EIF3K: variants seen among roughly 807,000 people sequenced by gnomAD.
EIF3K encodes eIF-3 p28.
In EIF3K, 27 loss-of-function variants were observed where a neutral mutation model predicts 34.2. The observed-to-expected ratio is 0.79, with a 90% CI of 0.58 to 1.09. EIF3K has a LOEUF of 1.09. EIF3K is among the 50% of genes least tolerant of loss of function. EIF3K has a pLI of 0.00. For synonymous variants in EIF3K, 105 were observed against 105.7 expected (o/e 0.99, Z 0.04); for missense variants, 232 against 275.4 (o/e 0.84, Z 1.11).
In EIF3K at chr19:38,632,595, CCA is replaced by C. The variant is rs1339553609; in HGVS notation, c.422-3_422-2del. On this transcript the variant is annotated splice_region_variant and splice_polypyrimidine_tract_variant and intron_variant, in intron 5 of 7. Coordinates refer to ENST00000248342, the MANE Select transcript of EIF3K (RefSeq NM_013234.4). Reference sequence around the variant, plus strand: ...TGCTCACCGGTTTTGTCTCTGACCTCCACAGTTATCTGCCATGTTGTGGGTAT... The same window carrying C: ...TGCTCACCGGTTTTGTCTCTGACCTCCAGTTATCTGCCATGTTGTGGGTAT... 6.2e-7 allele frequency: 1 copy of C among 1,613,816 alleles called. No individual in the cohort carries two copies. The highest frequency in any genetic ancestry group is 2.2e-5 in the East Asian group (1 of 44,868).
At chr19:38,629,511 G>C (rs766193753) in intron 4 of EIF3K, among the ~76,000 whole-genome samples, 4 of 152,144 alleles carry the variant, frequency 2.6e-5, no homozygotes, top group Non-Finnish European at 5.9e-5. Context: ...GACCAGGCTG[G>C]TCTTGAACTT....
chr19:38,634,897 C>T, intron 6 of EIF3K, 96 bp from the exon 7 acceptor site: 1 of 1,557,294 alleles, frequency 6.4e-7, no homozygotes, highest in Non-Finnish European at 8.7e-7. Context: ...AGGGGGGCTG[C>T]CCTGGCTTCC....
At chr19:38,622,115 T>TTTGG (rs1975855225) in intron 2 of EIF3K, among the ~76,000 whole-genome samples, 1 of 150,136 alleles carries the variant, frequency 6.7e-6, no homozygotes, top group African/African-American at 2.5e-5. Flanking sequence ...TTTTTTTTTT[T>TTTGG]GAGACAGGGT....
chr19:38,630,341 TTA>T lies in EIF3K; in HGVS notation c.355-2087_355-2086del, dbSNP rs1356976357. ...ACACCCGGTTTAATTATTTATTTAT[TTA>T]TTTATTTTTTTTTTTTTTTGAGATG... is the stretch of plus-strand genomic sequence containing the variant. On this transcript the variant is annotated intron_variant, in intron 4 of 7. Coordinates refer to ENST00000248342, the MANE Select transcript of EIF3K (RefSeq NM_013234.4). 3.5e-4 allele frequency among the ~76,000 whole-genome samples: 51 copies of T among 146,398 alleles called. 1 individual carries two copies. Among genetic ancestry groups the T allele is most frequent in the South Asian group, 3.3e-3 (15 of 4,578 alleles).
intron 4 of EIF3K, among the ~76,000 whole-genome samples, chr19:38,628,879 C>T (rs1289325967): frequency 1.3e-5 from 2 of 151,930 alleles, no homozygotes; most frequent in Admixed American, 6.6e-5. Flanking sequence ...GCTGCAGCTA[C>T]GGTCTTGCTT....
chr19:38,628,809 G>A (rs569338609), intron 4 of EIF3K, among the ~76,000 whole-genome samples: 2 of 151,328 alleles, frequency 1.3e-5, no homozygotes, highest in African/African-American at 2.4e-5. Context: ...GAAAAAGAGC[G>A]AAACTCCATC....
At chr19:38,623,093 A>T (rs1033253772) in intron 2 of EIF3K, among the ~76,000 whole-genome samples, 14 of 152,250 alleles carry the variant, frequency 9.2e-5, no homozygotes, top group African/African-American at 3.4e-4. Flanking sequence ...AAGTAAAGAC[A>T]GGCATAGGAA....
chr19:38,631,852 A>C (rs543659379), intron 4 of EIF3K, among the ~76,000 whole-genome samples: 1 of 152,138 alleles, frequency 6.6e-6, no homozygotes, highest in African/African-American at 2.4e-5. Flanking sequence ...AGTGGTGATG[A>C]CTCTCAAGGA....
intron 2 of EIF3K, 40 bp from the exon 3 acceptor site, chr19:38,624,037 G>T (rs756303449): frequency 6.2e-7 from 1 of 1,613,340 alleles, no homozygotes; most frequent in East Asian, 2.2e-5. Flanking sequence ...TGGGGACTTG[G>T]AGGTGCCACT....
In EIF3K at chr19:38,619,221, C is replaced by G. The variant is rs2232994; in HGVS notation, c.-48C>G. ...GTTCCCGTCCTTGAGGACGCCGTGC[C>G]GGGTCAGTGTTAGCCTCCAGCCCTG... On this transcript the variant is annotated 5_prime_UTR_variant, in exon 1 of 8. Coordinates refer to ENST00000248342, the MANE Select transcript of EIF3K (RefSeq NM_013234.4). 1 of 1,600,776 alleles carries G rather than the reference C, an allele frequency of 6.2e-7. No individual in the cohort carries two copies. Among genetic ancestry groups the G allele is most frequent in the Non-Finnish European group, 8.5e-7 (1 of 1,169,662 alleles).
intron 7 of EIF3K, chr19:38,635,720 C>CA (rs1414523017): frequency 6.5e-6 from 1 of 152,802 alleles, no homozygotes; most frequent in Admixed American, 6.5e-5. Flanking sequence ...AGTGACCACA[C>CA]AGTTCATTAA....
rs1212552602 is a variant in EIF3K, at chr19:38,635,030, G to A, written c.537G>A (p.Trp179Ter). Residue 179 changes from tryptophan (W) to a stop codon, truncating the protein, a stop_gained, in exon 7 of 8, where the codon TGG becomes TGA. Coordinates refer to ENST00000248342, the MANE Select transcript of EIF3K (RefSeq NM_013234.4). LOFTEE classifies it high-confidence loss of function. ...AGGTGTGGATGAGCAAATACGGCTG[G>A]AGTGCCGACGAGTCGGGGCAGATCT... The part of the protein sequence containing the change: ...QLKVWMSKYG[W>*]SADESGQIFI... The A allele has an allele frequency of 1.9e-6, 3 of 1,614,056 alleles. No homozygotes were observed. The highest frequency in any genetic ancestry group is 2.5e-6 in the Non-Finnish European group (3 of 1,180,058).
intron 6 of EIF3K, chr19:38,633,013 G>A (rs1976103515): frequency 3.8e-6 from 1 of 262,402 alleles, no homozygotes; most frequent in African/African-American, 2.2e-5. Context: ...GGTGATTCCT[G>A]TCATGAAGGA....
At chr19:38,627,832 C>T (rs945901431) in intron 4 of EIF3K, among the ~76,000 whole-genome samples, 4 of 152,006 alleles carry the variant, frequency 2.6e-5, no homozygotes, top group Admixed American at 1.3e-4. Context: ...CACCTGACCT[C>T]AGCCCTTCTC....
chr19:38,634,962 T>C (rs1300502587), intron 6 of EIF3K, 31 bp from the exon 7 acceptor site: 4 of 1,613,656 alleles, frequency 2.5e-6, no homozygotes, highest in African/African-American at 1.3e-5. Context: ...TCAGGCTGAC[T>C]GAAGCCCCTT....
chr19:38,626,578 G>A (rs1267408435), intron 4 of EIF3K, among the ~76,000 whole-genome samples: 1 of 152,142 alleles, frequency 6.6e-6, no homozygotes, highest in Admixed American at 6.6e-5. Flanking sequence ...TTGAGGCTGC[G>A]AGTGAGCCGT....
At chr19:38,630,705 C>A (rs1234919135) in intron 4 of EIF3K, 1 of 151,334 alleles carries the variant, frequency 6.6e-6, no homozygotes, top group Non-Finnish European at 1.5e-5. Flanking sequence ...GAGACAGAGC[C>A]TCCCTCTGTC....
intron 4 of EIF3K, chr19:38,628,443 A>T (rs2144772590): frequency 6.6e-6 from 1 of 152,526 alleles, no homozygotes; most frequent in African/African-American, 2.4e-5. Context: ...TCACCCCCAC[A>T]GGGTCTCCAT....
At chr19:38,633,463 C>T (rs150231051) in intron 6 of EIF3K, among the ~76,000 whole-genome samples, 8 of 152,028 alleles carry the variant, frequency 5.3e-5, no homozygotes, top group African/African-American at 1.9e-4. Flanking sequence ...TTTGGGAGGC[C>T]GAGGTGGGCG....
Sources: gnomAD v4.1 joint callset for allele counts (sites outside exome capture counted in the v4.1 genomes callset) on GRCh38, gnomAD v4.1.1 for gene constraint, MANE v1.5 for transcripts, NCBI Gene and HGNC (gene_info 2026-07-23, HGNC 2026-07-21) for gene names.